Variants in CCN5 observed in about 807,000 individuals in gnomAD.
The protein encoded by CCN5 is CCN family member 5.
In CCN5, 17 loss-of-function variants were observed where a neutral mutation model predicts 18.7. The observed-to-expected ratio is 0.91, with a 90% CI of 0.62 to 1.36. The LOEUF is 1.36. Ranked by LOEUF, CCN5 falls within the 40% of genes most tolerant of loss-of-function variation. The pLI is 0.00. For missense variants in CCN5, 367 were observed against 342.9 expected (o/e 1.07, Z -0.56); for synonymous variants, 135 against 145.2 (o/e 0.93, Z 0.50).
chr20:44,718,615 C>G (rs1048430331), intron 1 of CCN5, among the ~76,000 whole-genome samples: 32 of 152,174 alleles, frequency 2.1e-4, no homozygotes, highest in Non-Finnish European at 4.6e-4. Context: ...GGCTGATACC[C>G]TGATCCTGTC....
At chr20:44,723,311 G>A (rs1016414542) in intron 2 of CCN5, among the ~76,000 whole-genome samples, 9 of 147,664 alleles carry the variant, frequency 6.1e-5, no homozygotes, top group African/African-American at 1.8e-4. Flanking sequence ...CAGATGCTAC[G>A]TGGAAGCATA....
chr20:44,725,123 G>A (rs1484204033), intron 3 of CCN5, 131 bp downstream of exon 3: 1 of 1,253,884 alleles, frequency 8.0e-7, no homozygotes, highest in Non-Finnish European at 1.0e-6. Context: ...GAGGGGCGGA[G>A]GCTGAGGAGG....
intron 3 of CCN5, among the ~76,000 whole-genome samples, chr20:44,726,886 A>G (rs2065939294): frequency 6.6e-6 from 1 of 152,204 alleles, no homozygotes; most frequent in Non-Finnish European, 1.5e-5. Context: ...GAAATCTTAC[A>G]AGTACCAGGT....
chr20:44,715,960 G>A (rs145229462), intron 1 of CCN5, among the ~76,000 whole-genome samples: 25 of 152,358 alleles, frequency 1.6e-4, no homozygotes, highest in African/African-American at 4.3e-4. Context: ...AGACACCTCT[G>A]TGGAGTAATG....
intron 2 of CCN5, chr20:44,720,808 GCTT>G (rs2065894012): frequency 1.3e-5 from 2 of 152,302 alleles, no homozygotes; most frequent in African/African-American, 4.8e-5. Context: ...ATTCTCTGAT[GCTT>G]CGGGGCAGGG....
intron 1 of CCN5, 131 bp from the exon 2 acceptor site, chr20:44,719,766 C>A: frequency 1.1e-6 from 1 of 896,212 alleles, no homozygotes; most frequent in Non-Finnish European, 1.7e-6. Context: ...GCCTTTGAGG[C>A]CAGGTCTGCA....
chr20:44,725,052 AG>A (rs2065927111), intron 3 of CCN5, 60 bp downstream of exon 3: 2 of 1,462,820 alleles, frequency 1.4e-6, no homozygotes, highest in Non-Finnish European at 9.0e-7. Context: ...AGGGCCACCT[AG>A]GGGGTGGGGT....
intron 1 of CCN5, 76 bp from the exon 2 acceptor site, chr20:44,719,821 A>G: frequency 1.4e-6 from 2 of 1,466,418 alleles, no homozygotes; most frequent in African/African-American, 2.8e-5. Flanking sequence ...CCAGCCTGGC[A>G]GAGAAGTGGC....
At chr20:44,718,327 G>A (rs1039634389) in intron 1 of CCN5, among the ~76,000 whole-genome samples, 2 of 152,124 alleles carry the variant, frequency 1.3e-5, no homozygotes, top group Admixed American at 6.6e-5. Context: ...CAGAGCAAAG[G>A]GGTCATTGCC....
intron 2 of CCN5, among the ~76,000 whole-genome samples, chr20:44,722,158 CG>C (rs1348763664): frequency 6.6e-6 from 1 of 152,142 alleles, no homozygotes; most frequent in Non-Finnish European, 1.5e-5. Flanking sequence ...ATTTAGAGGC[CG>C]GGAACTGGTG....
At chr20:44,717,154 C>T (rs891221772) in intron 1 of CCN5, among the ~76,000 whole-genome samples, 2 of 151,976 alleles carry the variant, frequency 1.3e-5, no homozygotes, top group African/African-American at 4.9e-5. Flanking sequence ...GATTCTGTCT[C>T]TTACTGGCTG....
chr20:44,727,430 G>A lies in CCN5; in HGVS notation c.*123G>A, dbSNP rs1446916998. ...TTGGCTGCAGGCAACACTTTAGCTT[G>A]GGTCCACCATGCAGAACACCAATAT... On this transcript the variant is annotated 3_prime_UTR_variant, in exon 4 of 4. Coordinates refer to ENST00000190983, the MANE Select transcript of CCN5 (RefSeq NM_003881.4). 2.1e-6 allele frequency: 3 copies of A among 1,445,704 alleles called. No homozygotes were observed. Among genetic ancestry groups the A allele is most frequent in the Non-Finnish European group, 1.8e-6 (2 of 1,094,636 alleles). The allele number at this position is 1,445,704 out of a possible 1,614,324, so 89.6% of individuals were successfully genotyped here.
At chr20:44,726,518 T>C (rs552480954) in intron 3 of CCN5, among the ~76,000 whole-genome samples, 1 of 151,922 alleles carries the variant, frequency 6.6e-6, no homozygotes, top group East Asian at 1.9e-4. Flanking sequence ...ACCAGTAGCA[T>C]CCCCCCAGTT....
Position 44,724,965 on chromosome 20 carries a change from C to A in CCN5, c.505C>A (p.Leu169Met). 1 of 1,593,820 alleles carries A rather than the reference C, an allele frequency of 6.3e-7. No individual in the cohort carries two copies. Among genetic ancestry groups the A allele is most frequent in the Non-Finnish European group, 8.5e-7 (1 of 1,171,146 alleles). ...PEWVCGQGGG[L>M]GTQPLPAQGP... is the part of the protein sequence containing the mutation. The stretch of plus-strand genomic sequence containing the variant: ...GTGGGTGTGCGGCCAAGGAGGGGGA[C>A]TGGGGACCCAGCCCCTTCCAGCCCA... Residue 169 changes from leucine to methionine, a missense_variant, in exon 3 of 4, where the codon CTG becomes ATG. Leu to Met is a conservative substitution (Grantham distance 15). Transcript: ENST00000190983.
At position 44,724,735 on chromosome 20, in the gene CCN5, C is replaced by T. The variant is rs368643031; in HGVS notation, c.278-3C>T. On this transcript the variant is annotated splice_polypyrimidine_tract_variant and splice_region_variant and intron_variant, in intron 2 of 3. Transcript: ENST00000190983. Reference sequence around the variant, plus strand: ...CGATGGGGGTGCGGTTTTTCCTCCGCAGTGGCAGAGGACGACAGCAGCTGT... The same window carrying T: ...CGATGGGGGTGCGGTTTTTCCTCCGTAGTGGCAGAGGACGACAGCAGCTGT... The T allele has an allele frequency of 1.2e-6, 2 of 1,612,542 alleles. No individual in the cohort carries two copies. The highest frequency in any genetic ancestry group is 1.7e-6 in the Non-Finnish European group (2 of 1,179,726).
intron 2 of CCN5, chr20:44,721,605 T>C (rs970050503): frequency 6.6e-6 from 1 of 151,606 alleles, no homozygotes; most frequent in African/African-American, 2.4e-5. Context: ...TTCGTTACAC[T>C]GACTGAGGGA....
chr20:44,723,070 G>T (rs923292212), intron 2 of CCN5, among the ~76,000 whole-genome samples: 2 of 151,972 alleles, frequency 1.3e-5, no homozygotes, highest in African/African-American at 4.8e-5. Flanking sequence ...GGCCTACAAG[G>T]CCCCAACAGG....
intron 2 of CCN5, chr20:44,721,472 A>G (rs1344269343): frequency 7.3e-6 from 1 of 137,172 alleles, no homozygotes; most frequent in Non-Finnish European, 1.5e-5. Flanking sequence ...TGGTTGCGCC[A>G]CTACATTCCA....
upstream of CCN5, chr20:44,715,221 T>C: frequency 1.7e-6 from 1 of 593,180 alleles, no homozygotes; most frequent in South Asian, 1.9e-5. Context: ...ATGAAAAAGC[T>C]AGTGTGTTTG....
Sources: allele counts gnomAD v4.1 joint callset (sites outside exome capture counted in the v4.1 genomes callset), GRCh38; gene constraint gnomAD v4.1.1; transcripts MANE v1.5; gene names NCBI Gene and HGNC (gene_info 2026-07-23, HGNC 2026-07-21).